TIPIN: variants seen among roughly 807,000 people sequenced by gnomAD.
The protein encoded by TIPIN is TIMELESS-interacting protein.
Under a neutral mutation model 35.6 loss-of-function variants are expected in TIPIN, and 29 were observed. The ratio of observed to expected loss-of-function variants is 0.82; its 90% confidence interval spans 0.61 to 1.11. TIPIN has a LOEUF of 1.11. TIPIN is among the 50% of genes most tolerant of loss of function. TIPIN has a pLI of 0.00. For missense variants in TIPIN, 296 were observed against 345.4 expected, an observed-to-expected ratio of 0.86 and a Z score of 1.13; for synonymous variants, 102 against 121.5, an observed-to-expected ratio of 0.84 and a Z score of 1.06.
chr15:66,364,498 A>T (rs1215713917), intron 1 of TIPIN, among the ~76,000 whole-genome samples: 1 of 152,090 alleles, frequency 6.6e-6, no homozygotes. Context: ...AAAGACAAGC[A>T]ACCATAAAGG....
At chr15:66,349,509 A>G in intron 4 of TIPIN, 72 bp from the exon 5 acceptor site, 4 of 1,546,728 alleles carry the variant, frequency 2.6e-6, no homozygotes, top group Non-Finnish European at 3.5e-6. Flanking sequence ...AACTTTCAGA[A>G]CTGAAAAGCT....
At chr15:66,348,742 T>C (rs11856219) in intron 6 of TIPIN, among the ~76,000 whole-genome samples, 8,644 of 149,462 alleles carry the variant, frequency 0.058, 349 homozygotes, top group Middle Eastern at 0.11. Context: ...GCCAGGAGTG[T>C]GAGAGCAGCC....
Position 66,347,378 on chromosome 15 carries a change from G to A in TIPIN, c.475+1682C>T, listed in dbSNP as rs546756517. 5.3e-5 allele frequency: 24 copies of A among 451,696 alleles called. 1 individual carries two copies. The highest frequency in any genetic ancestry group is 3.6e-4 in the East Asian group (6 of 16,498). The allele number at this position is 451,696 out of a possible 1,614,324, so 28.0% of individuals were successfully genotyped here. The stretch of plus-strand genomic sequence containing the variant: ...CTAAAGTCCTATATCCGAGAGCTGC[G>A]CTCCAAGTGAAATGCAAACTTTCAT... On this transcript the variant is annotated intron_variant, in intron 6 of 7. Coordinates refer to ENST00000261881, the MANE Select transcript of TIPIN (RefSeq NM_017858.3).
At chr15:66,353,760 G>C (rs997761960) in intron 1 of TIPIN, among the ~76,000 whole-genome samples, 2 of 152,016 alleles carry the variant, frequency 1.3e-5, no homozygotes, top group South Asian at 2.1e-4. Context: ...TTGATAACTC[G>C]AAAGAATGTT....
intron 1 of TIPIN, among the ~76,000 whole-genome samples, chr15:66,363,371 C>T (rs978078204): frequency 3.3e-5 from 5 of 150,848 alleles, no homozygotes; most frequent in Admixed American, 6.6e-5. Flanking sequence ...AGGCCGGGCA[C>T]GGTGGCTCAC....
chr15:66,355,563 C>A (rs993024594), intron 1 of TIPIN, among the ~76,000 whole-genome samples: 3 of 151,708 alleles, frequency 2.0e-5, no homozygotes, highest in African/African-American at 7.3e-5. Context: ...GCCTGGCCAA[C>A]ACAGTGAAAC....
At chr15:66,355,120 G>C (rs1272574528) in intron 1 of TIPIN, among the ~76,000 whole-genome samples, 1 of 141,014 alleles carries the variant, frequency 7.1e-6, no homozygotes, top group Non-Finnish European at 1.5e-5. Context: ...TGCAAGCTCC[G>C]CCTCCCGGGT....
At chr15:66,360,221 T>C (rs2093225071), upstream of TIPIN, among the ~76,000 whole-genome samples, 1 of 152,026 alleles carries the variant, frequency 6.6e-6, no homozygotes, top group Non-Finnish European at 1.5e-5. Flanking sequence ...GGACATCCTA[T>C]CCCTAAAAAA....
upstream of TIPIN, among the ~76,000 whole-genome samples, chr15:66,360,343 C>T (rs1189310076): frequency 6.6e-6 from 1 of 152,178 alleles, no homozygotes; most frequent in Non-Finnish European, 1.5e-5. Context: ...TAGTGGCTCA[C>T]ACCTGTAATC....
intron 1 of TIPIN, among the ~76,000 whole-genome samples, chr15:66,370,505 G>T (rs1279969742): frequency 6.6e-6 from 1 of 151,984 alleles, no homozygotes; most frequent in Non-Finnish European, 1.5e-5. Context: ...CAGGGGCATG[G>T]GGCGGGGTGC....
chr15:66,349,174 G>C, intron 5 of TIPIN, 51 bp from the exon 6 acceptor site: 2 of 1,598,406 alleles, frequency 1.3e-6, no homozygotes, highest in Non-Finnish European at 1.7e-6. Context: ...AATCATGTTG[G>C]GGGGAGATAA....
intron 6 of TIPIN, among the ~76,000 whole-genome samples, chr15:66,341,832 A>T (rs2093089205): frequency 6.6e-6 from 1 of 152,216 alleles, no homozygotes; most frequent in Admixed American, 6.6e-5. Context: ...TCAATTAAAT[A>T]AGAAATATTT....
chr15:66,363,966 G>A (rs1317802901), intron 1 of TIPIN, among the ~76,000 whole-genome samples: 1 of 151,164 alleles, frequency 6.6e-6, no homozygotes, highest in Non-Finnish European at 1.5e-5. Context: ...CTGGGCAACA[G>A]AGCGAGACTC....
intron 6 of TIPIN, among the ~76,000 whole-genome samples, chr15:66,345,129 C>T (rs1367558640): frequency 6.6e-6 from 1 of 152,100 alleles, no homozygotes; most frequent in Non-Finnish European, 1.5e-5. Flanking sequence ...GCAACTATAA[C>T]AGTGTAATGG....
chr15:66,358,202 A>T (rs2140475144), upstream of TIPIN, among the ~76,000 whole-genome samples: 1 of 152,362 alleles, frequency 6.6e-6, no homozygotes, highest in East Asian at 1.9e-4. Flanking sequence ...ACACAACCTC[A>T]GAAAAATATA....
intron 7 of TIPIN, among the ~76,000 whole-genome samples, chr15:66,338,400 G>A (rs2093060391): frequency 6.6e-6 from 1 of 152,170 alleles, no homozygotes; most frequent in South Asian, 2.1e-4. Flanking sequence ...ACAGAGGTGA[G>A]CTTTAAATAC....
intron 1 of TIPIN, among the ~76,000 whole-genome samples, chr15:66,381,627 G>C (rs766229366): frequency 3.3e-5 from 5 of 151,844 alleles, no homozygotes; most frequent in East Asian, 1.9e-4. Flanking sequence ...TCAGATTTTA[G>C]CTATTTAAAT....
chr15:66,370,086 T>C (rs1228271253), intron 1 of TIPIN, among the ~76,000 whole-genome samples: 1 of 152,180 alleles, frequency 6.6e-6, no homozygotes, highest in Admixed American at 6.6e-5. Flanking sequence ...ATATCCGGGA[T>C]TCTGGACTGT....
chr15:66,336,783 G>C lies in TIPIN; in HGVS notation c.*175C>G. 5.1e-6 allele frequency: 3 copies of C among 583,738 alleles called. No homozygotes were observed. The highest frequency in any genetic ancestry group is 8.9e-6 in the Non-Finnish European group (3 of 336,116). 36.2% of individuals were successfully genotyped at this position (583,738 alleles called of 1,614,324 possible). On this transcript the variant is annotated 3_prime_UTR_variant, in exon 8 of 8. Coordinates refer to ENST00000261881, the MANE Select transcript of TIPIN (RefSeq NM_017858.3). ...AAACAAACACTAAAGAGAACAAATA[G>C]ATTTAACTAAAGTGACAAGCATAAT...
Sources: allele counts gnomAD v4.1 joint callset (sites outside exome capture counted in the v4.1 genomes callset), GRCh38; gene constraint gnomAD v4.1.1; transcripts MANE v1.5; gene names NCBI Gene and HGNC (gene_info 2026-07-23, HGNC 2026-07-21).